Variants in ITPR2 observed in about 807,000 individuals in gnomAD.
ITPR2 encodes inositol 1,4,5-trisphosphate-gated calcium channel ITPR2.
A neutral mutation model predicts 317.1 loss-of-function variants in ITPR2; 207 were observed. That is an observed-to-expected ratio of 0.65 (90% CI 0.58 to 0.73). The LOEUF (loss-of-function observed/expected upper bound fraction) is 0.73, where lower values mean the gene tolerates loss of function less well. ITPR2 is among the 30% of genes least tolerant of loss of function. ITPR2 has a pLI of 0.00. For missense variants in ITPR2, 2,613 were observed against 3,284.0 expected (o/e 0.80, Z 4.99); for synonymous variants, 1,156 against 1,149.1 (o/e 1.01, Z -0.12).
rs373595249 is a variant in ITPR2 at position 26,605,126 on chromosome 12, A to ATATATATATATATAT, written c.3463-2421_3463-2420insATATATATATATATA. ...ATAAAAATAAAAAATAAAAAATAAA[A>ATATATATATATATAT]ATATATATATATATATGAGAAAGTG... On this transcript the variant is annotated intron_variant, in intron 26 of 56. Transcript: ENST00000381340. Among the ~76,000 whole-genome samples, 6 of 136,310 alleles carry ATATATATATATATAT rather than the reference A, an allele frequency of 4.4e-5. No individual in the cohort carries two copies. In the South Asian group the frequency reaches 7.1e-4, roughly 16 times the overall value. The allele number at this position is 136,310 out of a possible 152,430, so 89.4% of individuals were successfully genotyped here.
chr12:26,473,669 A>C (rs932396011), intron 45 of ITPR2, among the ~76,000 whole-genome samples: 1 of 152,126 alleles, frequency 6.6e-6, no homozygotes, highest in African/African-American at 2.4e-5. Flanking sequence ...ATGGGTCAGC[A>C]TGTTTCTGTG....
At chr12:26,356,966 G>A (rs1938660221) in intron 55 of ITPR2, among the ~76,000 whole-genome samples, 1 of 152,180 alleles carries the variant, frequency 6.6e-6, no homozygotes, top group African/African-American at 2.4e-5. Context: ...ATTCCTACAT[G>A]TAAAACTTGT....
chr12:26,781,791 C>T (rs933286588), intron 2 of ITPR2, among the ~76,000 whole-genome samples: 2 of 151,724 alleles, frequency 1.3e-5, no homozygotes, highest in East Asian at 1.9e-4. Flanking sequence ...TGGGTGGGCA[C>T]CATCTAATCA....
At chr12:26,663,654 A>G (rs1322685984) in intron 15 of ITPR2, 31 bp downstream of exon 15, 1 of 1,576,170 alleles carries the variant, frequency 6.3e-7, no homozygotes, top group African/African-American at 1.4e-5. Context: ...TTTACATATG[A>G]AACAGTTTAA....
At chr12:26,539,600 G>A (rs933141658) in intron 37 of ITPR2, among the ~76,000 whole-genome samples, 8 of 152,294 alleles carry the variant, frequency 5.3e-5, no homozygotes, top group African/African-American at 1.9e-4. Context: ...GTCATCATCT[G>A]CTCCAATCCC....
chr12:26,614,113 A>T lies in ITPR2; in HGVS notation c.3462+7010T>A, dbSNP rs182858871. Among the ~76,000 whole-genome samples, 112 of 152,230 alleles carry T rather than the reference A, an allele frequency of 7.4e-4. 2 individuals carry two copies. The East Asian group carries it at 0.021, about 29-fold the overall frequency. ...AACCCTCCTATTACAAAACAACTAG[A>T]TCTTAGATATAAACCTATTTTAAGT... On this transcript the variant is annotated intron_variant, in intron 26 of 56. Coordinates refer to ENST00000381340, the MANE Select transcript of ITPR2 (RefSeq NM_002223.4).
chr12:26,339,119 T>G lies in ITPR2; in HGVS notation c.*278A>C. 1 of 350,060 alleles carries G rather than the reference T, an allele frequency of 2.9e-6. No homozygotes were observed. The allele number at this position is 350,060 out of a possible 1,614,324, so 21.7% of individuals were successfully genotyped here. A position where few individuals can be genotyped will look rare whatever the true frequency, so the allele number is the denominator to read the frequency against. ...CCCGTGTCTCCTTCCATCCTGCCGC[T>G]CCCTGCCCTCTCCAGCCTTTTGGGC... On this transcript the variant is annotated 3_prime_UTR_variant, in exon 57 of 57. Coordinates refer to ENST00000381340, the MANE Select transcript of ITPR2 (RefSeq NM_002223.4).
chr12:26,479,048 T>C (rs937200294), intron 43 of ITPR2, among the ~76,000 whole-genome samples: 3 of 151,486 alleles, frequency 2.0e-5, no homozygotes, highest in African/African-American at 4.8e-5. Context: ...TTTACTAATA[T>C]ATATTATTCT....
chr12:26,715,251 C>G, intron 8 of ITPR2, 48 bp downstream of exon 8: 1 of 1,487,108 alleles, frequency 6.7e-7, no homozygotes, highest in East Asian at 2.3e-5. Flanking sequence ...AGTGAATCTT[C>G]TCTTTTTGAT....
chr12:26,766,606 A>G (rs1455438351), intron 2 of ITPR2, among the ~76,000 whole-genome samples: 1 of 152,150 alleles, frequency 6.6e-6, no homozygotes, highest in Non-Finnish European at 1.5e-5. Flanking sequence ...TTGAAGCACA[A>G]GAGTTTTTAA....
intron 54 of ITPR2, among the ~76,000 whole-genome samples, chr12:26,397,931 G>A (rs1940049124): frequency 6.6e-6 from 1 of 151,990 alleles, no homozygotes; most frequent in Non-Finnish European, 1.5e-5. Flanking sequence ...AAAGACAACT[G>A]AAGCCAGAAA....
At chr12:26,509,366 C>A (rs973484889) in intron 37 of ITPR2, among the ~76,000 whole-genome samples, 1 of 152,160 alleles carries the variant, frequency 6.6e-6, no homozygotes, top group African/African-American at 2.4e-5. Context: ...AAATTGTACA[C>A]TTTTGTAGGG....
At chr12:26,689,674 A>G (rs1948197966) in intron 10 of ITPR2, among the ~76,000 whole-genome samples, 1 of 152,192 alleles carries the variant, frequency 6.6e-6, no homozygotes, top group South Asian at 2.1e-4. Context: ...AACTGCAAAC[A>G]GCTGACGCAA....
chr12:26,494,414 A>T, intron 38 of ITPR2, 74 bp from the exon 39 acceptor site: 4 of 911,016 alleles, frequency 4.4e-6, no homozygotes, highest in South Asian at 4.3e-5. Flanking sequence ...CAAATTCTTA[A>T]ATTTTATTAT....
At chr12:26,762,790 T>C (rs1175150811) in intron 2 of ITPR2, among the ~76,000 whole-genome samples, 1 of 152,006 alleles carries the variant, frequency 6.6e-6, no homozygotes, top group Non-Finnish European at 1.5e-5. Flanking sequence ...AATATATAAA[T>C]ATATATAAAT....
intron 48 of ITPR2, among the ~76,000 whole-genome samples, chr12:26,435,705 T>C (rs962674910): frequency 2.6e-5 from 4 of 152,220 alleles, no homozygotes; most frequent in African/African-American, 9.6e-5. Flanking sequence ...TATTATTATA[T>C]TGTCTTATGC....
At chr12:26,495,855 G>A (rs1231822047) in intron 37 of ITPR2, among the ~76,000 whole-genome samples, 3 of 152,050 alleles carry the variant, frequency 2.0e-5, no homozygotes, top group African/African-American at 7.2e-5. Flanking sequence ...GAACAGAGCA[G>A]GTACTCAAAA....
intron 1 of ITPR2, among the ~76,000 whole-genome samples, chr12:26,819,698 C>T (rs931375015): frequency 2.0e-5 from 3 of 151,812 alleles, no homozygotes; most frequent in African/African-American, 7.3e-5. Context: ...TCTTTGAACA[C>T]GTAAAAACAA....
chr12:26,547,172 C>G (rs890136837), intron 37 of ITPR2, among the ~76,000 whole-genome samples: 1 of 151,958 alleles, frequency 6.6e-6, no homozygotes, highest in Non-Finnish European at 1.5e-5. Context: ...GACTAGTAAC[C>G]AAAATATACA....
Sources: allele counts gnomAD v4.1 joint callset (sites outside exome capture counted in the v4.1 genomes callset), GRCh38; gene constraint gnomAD v4.1.1; transcripts MANE v1.5; gene names NCBI Gene and HGNC (gene_info 2026-07-23, HGNC 2026-07-21).